EIF3A: variants seen among roughly 807,000 people sequenced by gnomAD.
EIF3A encodes the protein eukaryotic translation initiation factor 3 subunit A.
A neutral mutation model predicts 186.6 loss-of-function variants in EIF3A; 21 were observed. The observed-to-expected ratio is 0.11, with a 90% confidence interval of 0.08 to 0.16. EIF3A has a LOEUF of 0.16. Ranked by LOEUF, EIF3A falls within the 10% of genes least tolerant of loss-of-function variation. The pLI is 1.00. For synonymous variants in EIF3A, 563 were observed against 584.3 expected (o/e 0.96, Z 0.52); for missense variants, 1,306 against 1,796.3 (o/e 0.73, Z 4.93).
chr10:119,069,838 C>T (rs556694993), intron 5 of EIF3A, among the ~76,000 whole-genome samples, 184 bp from the exon 6 acceptor site: 8 of 151,906 alleles, frequency 5.3e-5, no homozygotes, highest in Non-Finnish European at 1.2e-4. Flanking sequence ...ACACTAACTC[C>T]TTAAACGTTT....
Position 119,076,707 on chromosome 10 carries a change from C to T in EIF3A, c.50-2770G>A, listed in dbSNP as rs1844179731. ...CTATAATCCTAGCCCTCTGGGAGGC[C>T]AAGGCATCACTTGCGGTCAGGAGTT... On this transcript the variant is annotated intron_variant, in intron 1 of 21. Transcript: ENST00000369144. Among the ~76,000 whole-genome samples the T allele has an allele frequency of 2.0e-5, 3 of 151,886 alleles. No homozygotes were observed. In the South Asian group the frequency reaches 6.2e-4, roughly 31 times the overall value.
intron 19 of EIF3A, among the ~76,000 whole-genome samples, chr10:119,040,725 G>A (rs1170730620): frequency 3.3e-5 from 5 of 151,820 alleles, no homozygotes; most frequent in Admixed American, 3.3e-4. Context: ...ACAAAAAAAT[G>A]GCCGGGCGTG....
chr10:119,049,688 T>C (rs185008872), intron 17 of EIF3A, 113 bp downstream of exon 17: 41 of 858,660 alleles, frequency 4.8e-5, no homozygotes, highest in East Asian at 2.9e-4. Context: ...GGGGCTGAGA[T>C]TGCACCACTG....
intron 6 of EIF3A, among the ~76,000 whole-genome samples, chr10:119,067,417 C>T (rs1471058503): frequency 1.3e-5 from 2 of 152,020 alleles, no homozygotes; most frequent in African/African-American, 4.8e-5. Context: ...TAACGAGACC[C>T]TGCCTCCACA....
chr10:119,059,768 CT>C, intron 9 of EIF3A, 50 bp from the exon 10 acceptor site: 2 of 1,187,332 alleles, frequency 1.7e-6, no homozygotes, highest in Non-Finnish European at 1.3e-6. Context: ...TTATTCAGCA[CT>C]TTTTATGTGC....
chr10:119,052,401 TTAAGACA>T (rs1554870384), intron 14 of EIF3A, among the ~76,000 whole-genome samples: 24 of 150,174 alleles, frequency 1.6e-4, no homozygotes, highest in South Asian at 2.1e-4. Context: ...TGTGTGTGTT[TTAAGACA>T]GGGTCTGTCT....
At chr10:119,060,600 T>A (rs1011034824) in intron 9 of EIF3A, 146 bp downstream of exon 9, 21 of 551,826 alleles carry the variant, frequency 3.8e-5, no homozygotes. Flanking sequence ...ATAATTCTGA[T>A]TTTCAAATTA....
At chr10:119,044,212 A>T in intron 17 of EIF3A, 70 bp from the exon 18 acceptor site, 3 of 1,006,172 alleles carry the variant, frequency 3.0e-6, no homozygotes, top group East Asian at 2.4e-5. Flanking sequence ...TGGTATTACC[A>T]TTCAAATATT....
chr10:119,060,244 G>T (rs1184821248), intron 9 of EIF3A: 2 of 462,890 alleles, frequency 4.3e-6, no homozygotes, highest in Non-Finnish European at 8.3e-6. Flanking sequence ...TAAAATATAT[G>T]AAAAGGCTGT....
intron 17 of EIF3A, 39 bp downstream of exon 17, chr10:119,049,762 A>G (rs1192625558): frequency 6.4e-7 from 1 of 1,555,056 alleles, no homozygotes; most frequent in Middle Eastern, 1.7e-4. Context: ...AAAAAAAGTC[A>G]CATTAAAACA....
chr10:119,041,886 G>T, intron 19 of EIF3A, 108 bp downstream of exon 19: 3 of 1,229,634 alleles, frequency 2.4e-6, no homozygotes, highest in South Asian at 3.0e-5. Flanking sequence ...AAGGAAAGAT[G>T]AAAGACCAGT....
intron 18 of EIF3A, 70 bp downstream of exon 18, chr10:119,043,984 C>A: frequency 8.4e-7 from 1 of 1,186,546 alleles, no homozygotes; most frequent in Non-Finnish European, 1.3e-6. Context: ...CAAAATGAAC[C>A]AAATTTTAAA....
intron 4 of EIF3A, among the ~76,000 whole-genome samples, chr10:119,072,432 G>GGTTTTGTTTTGTTTT (rs59846549): frequency 1.3e-5 from 2 of 149,994 alleles, no homozygotes; most frequent in African/African-American, 4.9e-5. Flanking sequence ...CAGTCATTTT[G>GGTTTTGTTTTGTTTT]GTTTTGTTTT....
At chr10:119,049,469 G>GGTGT (rs1848325888) in intron 17 of EIF3A, among the ~76,000 whole-genome samples, 1 of 140,104 alleles carries the variant, frequency 7.1e-6, no homozygotes, top group Non-Finnish European at 1.5e-5. Flanking sequence ...ACTCCAGCCT[G>GGTGT]GGCAATGAAG....
At chr10:119,044,777 G>A (rs1848259615) in intron 17 of EIF3A, among the ~76,000 whole-genome samples, 1 of 152,002 alleles carries the variant, frequency 6.6e-6, no homozygotes. Context: ...GAACCCAGAA[G>A]GCAAAACTTG....
intron 14 of EIF3A, among the ~76,000 whole-genome samples, chr10:119,055,163 T>C (rs1006380568): frequency 6.6e-6 from 1 of 152,180 alleles, no homozygotes; most frequent in African/African-American, 2.4e-5. Context: ...TGTGCCGAGA[T>C]TGCGCCACTG....
chr10:119,037,264 G>C lies in EIF3A; in HGVS notation c.3774C>G (p.Ser1258Arg). Residue 1258 changes from serine to arginine, a missense_variant, in exon 21 of 22, where the codon AGC (serine) becomes AGG (arginine). Around this residue, in one of 8 missense-constraint regions of EIF3A, gnomAD observed 331 missense variants for 365.8 expected, o/e 0.90. Coordinates refer to ENST00000369144, the MANE Select transcript of EIF3A (RefSeq NM_003750.4). Reference protein sequence around the residue: ...WRRGPAEESSSWRDSSRRDDR... With the variant: ...WRRGPAEESSRWRDSSRRDDR... ...CGTCCCGGCGACTTGAGTCTCTCCAGCTTGAAGATTCCTCAGCTGGTCCTC... is the reference window on the plus strand; with the variant it reads ...CGTCCCGGCGACTTGAGTCTCTCCACCTTGAAGATTCCTCAGCTGGTCCTC... 1 of 1,614,058 alleles carries C rather than the reference G, an allele frequency of 6.2e-7. No individual in the cohort carries two copies. The highest frequency in any genetic ancestry group is 8.5e-7 in the Non-Finnish European group (1 of 1,180,016).
At chr10:119,071,387 T>G (rs1844068269) in intron 4 of EIF3A, among the ~76,000 whole-genome samples, 1 of 152,184 alleles carries the variant, frequency 6.6e-6, no homozygotes, top group Non-Finnish European at 1.5e-5. Context: ...CCCACCACTT[T>G]AAATCCTAGG....
At chr10:119,065,290 C>A in intron 7 of EIF3A, 109 bp downstream of exon 7, 2 of 836,144 alleles carry the variant, frequency 2.4e-6, no homozygotes, top group South Asian at 3.3e-5. Flanking sequence ...GTCCATACAT[C>A]AGAACCCTTG....
Sources: gnomAD v4.1 joint callset for allele counts (sites outside exome capture counted in the v4.1 genomes callset) on GRCh38, gnomAD v4.1.1 for gene constraint, gnomAD v4.1.1 regional missense constraint, MANE v1.5 for transcripts, NCBI Gene and HGNC (gene_info 2026-07-23, HGNC 2026-07-21) for gene names.